IRAG2: variants seen among roughly 807,000 people sequenced by gnomAD.
IRAG2 encodes the protein lymphoid restricted membrane protein.
Under a neutral mutation model 69.9 loss-of-function variants are expected in IRAG2, and 45 were observed. The ratio of observed to expected loss-of-function variants is 0.64; its 90% CI spans 0.51 to 0.83. The LOEUF (loss-of-function observed/expected upper bound fraction) is 0.83. IRAG2 is among the 40% of genes least tolerant of loss of function. The pLI, the probability that IRAG2 is intolerant of heterozygous loss-of-function variation, is 0.00. For synonymous variants in IRAG2, 193 were observed against 202.4 expected (o/e 0.95, Z 0.40); for missense variants, 520 against 587.0 (o/e 0.89, Z 1.18).
chr12:25,032,307 T>C, exon 12 of IRAG2: 1 of 398,954 alleles, frequency 2.5e-6, no homozygotes, highest in Non-Finnish European at 4.4e-6. Flanking sequence ...GATTCCAGAA[T>C]TTACGAGGGG....
chr12:25,103,725 C>T, intron 17 of IRAG2, 112 bp from the exon 18 acceptor site: 1 of 742,710 alleles, frequency 1.3e-6, no homozygotes, highest in Non-Finnish European at 2.3e-6. Flanking sequence ...GTCTGTTTAA[C>T]TCAGCTGTGG....
intron 10 of IRAG2, among the ~76,000 whole-genome samples, chr12:25,031,868 G>A (rs12366454): frequency 0.28 from 43,169 of 152,020 alleles, 6,386 homozygotes; most frequent in Middle Eastern, 0.34. Context: ...CCCCATGTTG[G>A]TCAGGCTGGT....
rs977415423 is a variant in IRAG2, at chr12:25,032,370, G to T, written c.1643+1G>T. The stretch of plus-strand genomic sequence containing the variant: ...AGCACTTGCAACAGGCACTCATCAC[G>T]TAAGTAGAGGGCAACCCTTGCCAGC... On this transcript the variant is annotated splice_donor_variant, in intron 12 of 38. Transcript: ENST00000636465. LOFTEE classifies it high-confidence loss of function. 2 of 398,932 alleles carry T rather than the reference G, an allele frequency of 5.0e-6. No individual in the cohort carries two copies. Among genetic ancestry groups the T allele is most frequent in the African/African-American group, 2.1e-5 (1 of 48,636 alleles). 24.7% of individuals were successfully genotyped at this position (398,932 alleles called of 1,614,324 possible).
At chr12:25,011,213 C>A in intron 2 of IRAG2, 1 of 531,136 alleles carries the variant, frequency 1.9e-6, no homozygotes, top group Non-Finnish European at 2.9e-6. Context: ...TAGCCCAAGG[C>A]CAGTGTTCTT....
At chr12:25,086,238 A>C (rs1443082187) in intron 10 of IRAG2, among the ~76,000 whole-genome samples, 1 of 151,828 alleles carries the variant, frequency 6.6e-6, no homozygotes, top group East Asian at 1.9e-4. Context: ...AAATTTGAGA[A>C]ATATTTAGGG....
At chr12:24,998,255 C>A in the IRAG2 span, among the ~76,000 whole-genome samples, 1 of 152,102 alleles carries the variant, frequency 6.6e-6, no homozygotes, top group Non-Finnish European at 1.5e-5. Context: ...CTTAATATAA[C>A]AAGGTTAACT....
In IRAG2 at chr12:25,101,337, T is replaced by C; in HGVS notation, c.889+12T>C. On this transcript the variant is annotated intron_variant, in intron 16 of 21. Transcript: ENST00000556887. ...TCTTGAAGATGATGGTAATAAAAGT[T>C]TATGATAATAGTATTAGTTGTGTTT... The C allele has an allele frequency of 6.4e-7, 1 of 1,572,852 alleles. No individual in the cohort carries two copies. Among genetic ancestry groups the C allele is most frequent in the Non-Finnish European group, 8.6e-7 (1 of 1,156,874 alleles).
At chr12:25,076,451 T>A in intron 6 of IRAG2, 1 of 983,038 alleles carries the variant, frequency 1.0e-6, no homozygotes, top group Non-Finnish European at 1.2e-6. Context: ...TGTAACATAA[T>A]GGAGGCAAAC....
At chr12:25,056,151 G>A (rs929989386) in intron 1 of IRAG2, among the ~76,000 whole-genome samples, 7 of 152,124 alleles carry the variant, frequency 4.6e-5, no homozygotes, top group South Asian at 2.1e-4. Flanking sequence ...CATGGAGGGC[G>A]GGAGGTATGG....
At chr12:25,050,693 G>A (rs957101199), upstream of IRAG2, among the ~76,000 whole-genome samples, 7 of 152,030 alleles carry the variant, frequency 4.6e-5, no homozygotes, top group Non-Finnish European at 8.8e-5. Flanking sequence ...TATTCACTGC[G>A]GCATTATTCT....
At chr12:25,083,379 C>A in intron 9 of IRAG2, 44 bp from the exon 10 acceptor site, 1 of 1,252,240 alleles carries the variant, frequency 8.0e-7, no homozygotes, top group Non-Finnish European at 1.2e-6. Context: ...CTTTTACTTG[C>A]TCCTGCCCCC....
At chr12:25,049,096 T>C (rs1591938305), upstream of IRAG2, among the ~76,000 whole-genome samples, 1 of 152,210 alleles carries the variant, frequency 6.6e-6, no homozygotes, top group East Asian at 1.9e-4. Flanking sequence ...TCTGTTCCAT[T>C]GGTCTATGTA....
chr12:25,004,901 C>T, exon 1 of IRAG2: 1 of 1,230,978 alleles, frequency 8.1e-7, no homozygotes, highest in Non-Finnish European at 1.0e-6. Context: ...AAAAAATTAT[C>T]TCTGAATGAA....
chr12:25,027,130 A>C (rs1944628439), intron 9 of IRAG2, among the ~76,000 whole-genome samples: 1 of 152,102 alleles, frequency 6.6e-6, no homozygotes, highest in South Asian at 2.1e-4. Flanking sequence ...GTACGTTCAC[A>C]GAGTTGTACA....
At chr12:25,108,326 T>TAAATCTTCATAGAGTG in exon 22 of IRAG2, 2 of 543,974 alleles carry the variant, frequency 3.7e-6, no homozygotes. Flanking sequence ...AAGAATCATT[T>TAAATCTTCATAGAGTG]AAATCTTCAT....
At chr12:25,028,193 G>A (rs922369573) in intron 9 of IRAG2, among the ~76,000 whole-genome samples, 2 of 152,128 alleles carry the variant, frequency 1.3e-5, no homozygotes, top group Non-Finnish European at 2.9e-5. Flanking sequence ...CCAAAGTGTT[G>A]GGATTACAGG....
chr12:25,102,195 C>A lies in IRAG2; in HGVS notation c.890-3C>A. ...AAATGTGTCAATGTGTTTTTCCTTT[C>A]AGATGACTGCCAAATTAAAAAACGT... is the stretch of plus-strand genomic sequence containing the variant. On this transcript the variant is annotated splice_polypyrimidine_tract_variant and splice_region_variant and intron_variant, in intron 16 of 21. Transcript: ENST00000556887. 1 of 1,612,308 alleles carries A rather than the reference C, an allele frequency of 6.2e-7. No individual in the cohort carries two copies.
intron 10 of IRAG2, chr12:25,030,961 T>C (rs1944663479): frequency 1.1e-6 from 1 of 884,246 alleles, no homozygotes; most frequent in South Asian, 5.2e-5. Context: ...GATAGATACA[T>C]AGATAGATAT....
At chr12:25,044,707 C>G (rs984872583) in intron 16 of IRAG2, among the ~76,000 whole-genome samples, 9 of 138,340 alleles carry the variant, frequency 6.5e-5, no homozygotes, top group African/African-American at 2.4e-4. Context: ...GATCAACTCA[C>G]CAAGAAAATA....
Sources: allele counts gnomAD v4.1 joint callset (sites outside exome capture counted in the v4.1 genomes callset), GRCh38; gene constraint gnomAD v4.1.1; transcripts MANE v1.5; gene names NCBI Gene and HGNC (gene_info 2026-07-23, HGNC 2026-07-21).